Variants in IDE observed in about 807,000 individuals in gnomAD.
The protein encoded by IDE is insulin degrading enzyme, also known as insulin-degrading enzyme.
In IDE, 58 loss-of-function variants were observed where a neutral mutation model predicts 133.2. The ratio of observed to expected loss-of-function variants is 0.44; its 90% CI spans 0.35 to 0.54. The LOEUF (loss-of-function observed/expected upper bound fraction) is 0.54. IDE is among the 20% of genes least tolerant of loss of function. IDE has a pLI of 0.00. For synonymous variants in IDE, 396 were observed against 421.3 expected (o/e 0.94, Z 0.73); for missense variants, 981 against 1,234.0 (o/e 0.79, Z 3.07).
rs1845527654 is a variant in IDE at position 92,463,836 on chromosome 10, T to C, written c.2656A>G (p.Ile886Val). Reference sequence around the variant, plus strand: ...AGTCGACGAATTGCTAATGCCTGAATGTGTTTTTGGAAGGCCTCTTCTGTC... The same window carrying C: ...AGTCGACGAATTGCTAATGCCTGAACGTGTTTTTGGAAGGCCTCTTCTGTC... ...DMTEEAFQKH[I>V]QALAIRRLDK... is the part of the protein sequence containing the mutation. Residue 886 changes from isoleucine (I) to valine (V), a missense_variant, in exon 21 of 25, where the codon ATT (isoleucine) becomes GTT (valine). Coordinates refer to ENST00000265986, the MANE Select transcript of IDE (RefSeq NM_004969.4). The C allele has an allele frequency of 1.2e-6, 2 of 1,614,074 alleles. No homozygotes were observed. Among genetic ancestry groups the C allele is most frequent in the South Asian group, 1.1e-5 (1 of 91,084 alleles).
intron 1 of IDE, among the ~76,000 whole-genome samples, chr10:92,572,244 A>G (rs113042789): frequency 2.1e-4 from 32 of 152,256 alleles, no homozygotes; most frequent in Non-Finnish European, 4.4e-4. Flanking sequence ...GGAGACAGCT[A>G]AGCCTAGCCT....
chr10:92,544,221 A>C (rs1842436353), intron 1 of IDE, among the ~76,000 whole-genome samples: 1 of 150,734 alleles, frequency 6.6e-6, no homozygotes, highest in Non-Finnish European at 1.5e-5. Context: ...TGACAGAGCG[A>C]GACACCATCT....
chr10:92,472,283 C>T (rs576577697), intron 17 of IDE, among the ~76,000 whole-genome samples: 5 of 152,298 alleles, frequency 3.3e-5, no homozygotes, highest in East Asian at 3.9e-4. Context: ...TAGATTCTAA[C>T]GAAGGGTGAA....
At chr10:92,534,882 C>G (rs1238452419) in intron 2 of IDE, 97 bp from the exon 3 acceptor site, 7 of 799,200 alleles carry the variant, frequency 8.8e-6, no homozygotes, top group Admixed American at 2.4e-5. Context: ...ACAACTCCAA[C>G]TATATAATCA....
At chr10:92,482,292 A>G (rs1846658870) in intron 14 of IDE, among the ~76,000 whole-genome samples, 1 of 152,252 alleles carries the variant, frequency 6.6e-6, no homozygotes. Context: ...TAAAATTATG[A>G]AGTATAAACT....
intron 16 of IDE, among the ~76,000 whole-genome samples, chr10:92,475,200 T>A (rs1846190802): frequency 6.6e-6 from 1 of 152,222 alleles, no homozygotes; most frequent in Non-Finnish European, 1.5e-5. Context: ...GGACTATAAG[T>A]GCCTTCACTA....
chr10:92,556,179 C>CAAAAAAAAAA (rs60008680), intron 1 of IDE, among the ~76,000 whole-genome samples: 11 of 69,192 alleles, frequency 1.6e-4, no homozygotes, highest in East Asian at 1.5e-3. Flanking sequence ...GACTCCGTCT[C>CAAAAAAAAAA]AAAAAAAAAA....
intron 1 of IDE, among the ~76,000 whole-genome samples, chr10:92,573,629 G>A (rs1843900806): frequency 6.6e-6 from 1 of 152,218 alleles, no homozygotes. Context: ...GTCCGCCCCT[G>A]CGCCCCCCGC....
chr10:92,507,852 GA>G (rs1365467143), intron 8 of IDE, among the ~76,000 whole-genome samples, 186 bp from the exon 9 acceptor site: 2 of 152,210 alleles, frequency 1.3e-5, no homozygotes, highest in African/African-American at 4.8e-5. Flanking sequence ...ATATGTGACA[GA>G]AAGGGTGTTG....
At chr10:92,495,511 A>G (rs1847634212) in intron 11 of IDE, among the ~76,000 whole-genome samples, 1 of 151,554 alleles carries the variant, frequency 6.6e-6, no homozygotes, top group African/African-American at 2.4e-5. Flanking sequence ...GAGCCACTGC[A>G]CCCAGTCTTT....
At chr10:92,462,701 T>C (rs764344285) in intron 21 of IDE, among the ~76,000 whole-genome samples, 25 of 152,246 alleles carry the variant, frequency 1.6e-4, no homozygotes, top group Non-Finnish European at 3.4e-4. Context: ...TCTCTGGTTA[T>C]GAGCTTTTGG....
chr10:92,490,600 A>G lies in IDE; in HGVS notation c.1431-5T>C. 1 of 1,577,136 alleles carries G rather than the reference A, an allele frequency of 6.3e-7. No individual in the cohort carries two copies. Among genetic ancestry groups the G allele is most frequent in the Non-Finnish European group, 8.7e-7 (1 of 1,149,946 alleles). ...GATTTAGAAACTATGGCAACCCTAG[A>G]GATAGAAAAAACAAACAAAAAAACC... is the stretch of plus-strand genomic sequence containing the variant. On this transcript the variant is annotated splice_region_variant and splice_polypyrimidine_tract_variant and intron_variant, in intron 11 of 24. Coordinates refer to ENST00000265986, the MANE Select transcript of IDE (RefSeq NM_004969.4).
intron 13 of IDE, among the ~76,000 whole-genome samples, chr10:92,486,014 CTT>C (rs1846971927): frequency 6.6e-6 from 1 of 152,076 alleles, no homozygotes; most frequent in Non-Finnish European, 1.5e-5. Flanking sequence ...TGAACTTTCT[CTT>C]TGCATAAGCT....
chr10:92,459,304 A>G (rs1313278885), intron 22 of IDE, among the ~76,000 whole-genome samples: 28 of 152,184 alleles, frequency 1.8e-4, no homozygotes, highest in Admixed American at 1.8e-3. Flanking sequence ...CAGCACTAGG[A>G]GTGGTGAATT....
At position 92,474,964 on chromosome 10, in the gene IDE, A is replaced by AG. The variant is rs551072906; in HGVS notation, c.1996-4dup. Reference sequence around the variant, plus strand: ...AAATTGTTAAGAGATCGCATATACTAGTGAAAGAGACATGCGTTCATTAAT... The same window carrying AG: ...AAATTGTTAAGAGATCGCATATACTAGGTGAAAGAGACATGCGTTCATTAAT... On this transcript the variant is annotated splice_region_variant and splice_polypyrimidine_tract_variant and intron_variant, in intron 16 of 24. Transcript: ENST00000265986. The AG allele has an allele frequency of 1.5e-4, 241 of 1,594,376 alleles. 4 individuals carry two copies. The South Asian group carries it at 2.6e-3, about 17-fold the overall frequency.
intron 5 of IDE, among the ~76,000 whole-genome samples, chr10:92,514,603 T>TA (rs1554842741): frequency 6.6e-6 from 1 of 152,102 alleles, no homozygotes; most frequent in Non-Finnish European, 1.5e-5. Context: ...TCCCACTAAT[T>TA]TAAAAAAATT....
intron 12 of IDE, among the ~76,000 whole-genome samples, chr10:92,488,024 G>A (rs1847107364): frequency 6.6e-6 from 1 of 151,990 alleles, no homozygotes; most frequent in African/African-American, 2.4e-5. Flanking sequence ...TGAACTCCTG[G>A]CCTCAACTGA....
At chr10:92,497,269 G>A (rs936725498) in intron 11 of IDE, among the ~76,000 whole-genome samples, 1 of 152,130 alleles carries the variant, frequency 6.6e-6, no homozygotes, top group Non-Finnish European at 1.5e-5. Context: ...GTAATAATAG[G>A]TAAACACCTT....
intron 1 of IDE, among the ~76,000 whole-genome samples, chr10:92,572,072 T>C (rs1434169389): frequency 2.6e-5 from 4 of 152,254 alleles, no homozygotes; most frequent in Non-Finnish European, 4.4e-5. Context: ...CAAATTTCCA[T>C]CTTTGAGAAA....
Sources: allele counts gnomAD v4.1 joint callset (sites outside exome capture counted in the v4.1 genomes callset), GRCh38; gene constraint gnomAD v4.1.1; transcripts MANE v1.5; gene names NCBI Gene and HGNC (gene_info 2026-07-23, HGNC 2026-07-21).